Variants in MSI2 observed in about 807,000 individuals in gnomAD.
MSI2 encodes RNA-binding protein Musashi homolog 2.
In MSI2, 17 loss-of-function variants were observed where a neutral mutation model predicts 45.6. The observed-to-expected ratio is 0.37, with a 90% CI of 0.26 to 0.56. The LOEUF (loss-of-function observed/expected upper bound fraction) is 0.56. Ranked by LOEUF, MSI2 falls within the 20% of genes least tolerant of loss-of-function variation. The pLI, the probability that MSI2 is intolerant of heterozygous loss-of-function variation, is 0.77. For synonymous variants in MSI2, 156 were observed against 158.2 expected, an observed-to-expected ratio of 0.99 and a Z score of 0.11; for missense variants, 293 against 444.2, an observed-to-expected ratio of 0.66 and a Z score of 3.06.
At position 57,553,150 on chromosome 17, in the gene MSI2, T is replaced by C. The variant is rs1310513466; in HGVS notation, c.454+23426T>C. Among the ~76,000 whole-genome samples the C allele has an allele frequency of 3.4e-5, 5 of 148,848 alleles. No individual in the cohort carries two copies. In the East Asian group the frequency reaches 9.6e-4, roughly 29 times the overall value. ...GTTGTCCATCCCCGCAGCTAGAGCATGAGCCCCCCAAGGCCAGACTCGAGG... is the reference window on the plus strand; with the variant it reads ...GTTGTCCATCCCCGCAGCTAGAGCACGAGCCCCCCAAGGCCAGACTCGAGG... On this transcript the variant is annotated intron_variant, in intron 7 of 13. Transcript: ENST00000284073.
chr17:57,341,875 C>T (rs1304756533), intron 5 of MSI2, among the ~76,000 whole-genome samples: 1 of 152,204 alleles, frequency 6.6e-6, no homozygotes, highest in Non-Finnish European at 1.5e-5. Context: ...TCTCCTCTCC[C>T]TCTTTTTTTC....
chr17:57,559,283 A>G (rs78720694), intron 7 of MSI2, among the ~76,000 whole-genome samples: 1,884 of 152,240 alleles, frequency 0.012, 41 homozygotes, highest in African/African-American at 0.043. Flanking sequence ...ATGCTAAGGA[A>G]ATAAGAAGGA....
chr17:57,622,799 T>C lies in MSI2; in HGVS notation c.653-4430T>C, dbSNP rs149108875. On this transcript the variant is annotated intron_variant, in intron 9 of 13. Transcript: ENST00000284073. ...GACGGGGATCTGGCTTTCCCAAAAA[T>C]ATCTGTTTAGGTTATTCTCAAGGAA... Among the ~76,000 whole-genome samples, 27 of 152,284 alleles carry C rather than the reference T, an allele frequency of 1.8e-4. No homozygotes were observed. In the East Asian group the frequency reaches 5.2e-3, roughly 29 times the overall value.
chr17:57,547,382 T>C (rs539973509), intron 7 of MSI2, among the ~76,000 whole-genome samples: 2 of 152,196 alleles, frequency 1.3e-5, no homozygotes, highest in Non-Finnish European at 2.9e-5. Flanking sequence ...GGATGCATGT[T>C]TGGAAGCAGG....
chr17:57,492,176 G>T (rs2085885905), intron 6 of MSI2, among the ~76,000 whole-genome samples: 1 of 152,192 alleles, frequency 6.6e-6, no homozygotes, highest in Admixed American at 6.5e-5. Context: ...GTAAAGCGAG[G>T]CATCGTTCTG....
At chr17:57,397,553 T>G (rs1340796512) in intron 5 of MSI2, among the ~76,000 whole-genome samples, 1 of 152,190 alleles carries the variant, frequency 6.6e-6, no homozygotes, top group African/African-American at 2.4e-5. Context: ...CTTCCTGCCC[T>G]CCTCAGTAGC....
chr17:57,563,224 A>G (rs1264973432), intron 7 of MSI2, among the ~76,000 whole-genome samples: 1 of 151,746 alleles, frequency 6.6e-6, no homozygotes, highest in African/African-American at 2.4e-5. Flanking sequence ...AACAACATAC[A>G]TTGTACCCAT....
intron 6 of MSI2, among the ~76,000 whole-genome samples, chr17:57,452,778 G>A (rs573489675): frequency 8.5e-5 from 13 of 152,172 alleles, no homozygotes; most frequent in Admixed American, 2.6e-4. Context: ...TTCATCTTAC[G>A]TGTTCCTCTT....
intron 6 of MSI2, chr17:57,450,280 AAAG>A (rs2046350740): frequency 6.7e-5 from 2 of 29,878 alleles, no homozygotes; most frequent in Non-Finnish European, 1.1e-4. Context: ...AGAAAGAAAG[AAAG>A]AAAGAAAGAA....
intron 5 of MSI2, among the ~76,000 whole-genome samples, chr17:57,331,207 C>G (rs1914241421): frequency 6.6e-6 from 1 of 152,206 alleles, no homozygotes. Flanking sequence ...AGCCACTGCG[C>G]CTGGCCATGT....
chr17:57,406,166 T>C (rs62060394), intron 6 of MSI2, among the ~76,000 whole-genome samples: 15,372 of 152,198 alleles, frequency 0.1, 960 homozygotes, highest in Non-Finnish European at 0.14. Context: ...CCTGATTCCA[T>C]ACACACAGGA....
In MSI2 at chr17:57,627,290, C is replaced by G; in HGVS notation, c.714C>G (p.Gly238=). The G allele has an allele frequency of 6.2e-7, 1 of 1,614,222 alleles. No individual in the cohort carries two copies. The highest frequency in any genetic ancestry group is 2.2e-5 in the East Asian group (1 of 44,890). ...RGYPGFAPSY[G]YQFPGFPAAA... is the part of the protein sequence containing the mutation. The stretch of plus-strand genomic sequence containing the variant: ...ACCCCGGATTTGCTCCAAGCTATGG[C>G]TATCAGTTCCCAGGTGAGTGGCTTG... The change falls in exon 10 of 14, where the codon GGC becomes GGG. Residue 238 remains glycine (G), a synonymous_variant. Coordinates refer to ENST00000284073, the MANE Select transcript of MSI2 (RefSeq NM_138962.4). The surrounding 1 kb of genome is among the most constrained non-coding windows in gnomAD (Gnocchi z 4.6).
chr17:57,564,965 C>T (rs373715696), intron 7 of MSI2, among the ~76,000 whole-genome samples: 4 of 152,152 alleles, frequency 2.6e-5, no homozygotes, highest in East Asian at 1.9e-4. Flanking sequence ...TAACAACAGC[C>T]GTTTATGGGG....
At chr17:57,645,950 C>T (rs539225796) in intron 10 of MSI2, among the ~76,000 whole-genome samples, 9 of 152,296 alleles carry the variant, frequency 5.9e-5, no homozygotes, top group Middle Eastern at 3.4e-3. Context: ...CCTCCAGGGA[C>T]GTTGAATGTG....
chr17:57,683,802 AC>A lies in MSI2; in HGVS notation c.*4288del, dbSNP rs1598525255. 4.3e-6 allele frequency: 1 copy of A among 231,444 alleles called. No homozygotes were observed. The highest frequency in any genetic ancestry group is 8.5e-6 in the Non-Finnish European group (1 of 117,138). The allele number at this position is 231,444 out of a possible 1,614,324, so 14.3% of individuals were successfully genotyped here. A position where few individuals can be genotyped will look rare whatever the true frequency, so the allele number is the denominator to read the frequency against. ...AAGAAAGACACTGGCGGGTTTCCCCACCCTCACCCCAAAGCAGAAAACTAGC... is the reference window on the plus strand; with the variant it reads ...AAGAAAGACACTGGCGGGTTTCCCCACCTCACCCCAAAGCAGAAAACTAGC... On this transcript the variant is annotated 3_prime_UTR_variant, in exon 14 of 14. Coordinates refer to ENST00000284073, the MANE Select transcript of MSI2 (RefSeq NM_138962.4). This position sits in a 1 kb window ranked among gnomAD's most constrained non-coding sequence, Gnocchi z 5.2.
At chr17:57,334,011 C>G (rs1914492628) in intron 5 of MSI2, among the ~76,000 whole-genome samples, 1 of 152,116 alleles carries the variant, frequency 6.6e-6, no homozygotes, top group Non-Finnish European at 1.5e-5. Context: ...CCTTGGTGAT[C>G]CGTTTCACTC....
At chr17:57,592,213 G>A (rs568953531) in intron 7 of MSI2, among the ~76,000 whole-genome samples, 8 of 150,358 alleles carry the variant, frequency 5.3e-5, no homozygotes, top group East Asian at 1.9e-4. Flanking sequence ...TTTATGTTAC[G>A]TATATTTTAC....
the MSI2 span, among the ~76,000 whole-genome samples, chr17:57,695,798 A>C: frequency 1.3e-5 from 2 of 152,208 alleles, no homozygotes; most frequent in African/African-American, 4.8e-5. Flanking sequence ...TAGAAACTGG[A>C]AGTCCAAGAT....
At chr17:57,343,542 T>C (rs1300109781) in intron 5 of MSI2, among the ~76,000 whole-genome samples, 2 of 152,144 alleles carry the variant, frequency 1.3e-5, no homozygotes, top group Non-Finnish European at 2.9e-5. Context: ...AATACATCAG[T>C]GTTCCTAATG....
Sources: gnomAD v4.1 joint callset for allele counts (sites outside exome capture counted in the v4.1 genomes callset) on GRCh38, gnomAD v4.1.1 for gene constraint, Gnocchi (gnomAD v3.1) non-coding constraint, MANE v1.5 for transcripts, NCBI Gene and HGNC (gene_info 2026-07-23, HGNC 2026-07-21) for gene names.